The following PTPRD variants were observed in gnomAD, a reference collection of about 807,000 sequenced individuals.
The protein encoded by PTPRD is protein tyrosine phosphatase receptor type D, also known as receptor-type tyrosine-protein phosphatase delta.
A neutral mutation model predicts 214.5 loss-of-function variants in PTPRD; 34 were observed. That is an observed-to-expected ratio of 0.16 (90% CI 0.12 to 0.21). The LOEUF is 0.21. Ranked by LOEUF, PTPRD falls within the 10% of genes least tolerant of loss-of-function variation. The pLI is 1.00. For synonymous variants in PTPRD, 1,128 were observed against 845.7 expected (o/e 1.33, Z -5.79); for missense variants, 2,545 against 2,398.7 (o/e 1.06, Z -1.27).
intron 7 of PTPRD, among the ~76,000 whole-genome samples, chr9:9,630,859 C>G (rs535554459): frequency 6.6e-6 from 1 of 152,110 alleles, no homozygotes; most frequent in South Asian, 2.1e-4. Context: ...GTAGAATGTA[C>G]TTATATGTAA....
At chr9:9,139,142 C>T (rs992644951) in intron 10 of PTPRD, among the ~76,000 whole-genome samples, 1 of 147,912 alleles carries the variant, frequency 6.8e-6, no homozygotes, top group Admixed American at 6.8e-5. Context: ...CATTCTGAGA[C>T]TCCTAGTGAA....
At chr9:8,561,542 A>G (rs10977204) in intron 14 of PTPRD, among the ~76,000 whole-genome samples, 54,474 of 152,040 alleles carry the variant, frequency 0.36, 16,095 homozygotes, top group African/African-American at 0.82. Flanking sequence ...AAGCCGGTGT[A>G]CAAGCGAGAC....
rs941972340 is a variant in PTPRD, at chr9:10,303,779, C to T, written c.-545+37184G>A. ...AATTGAGGCAGTTATTAATAGTCTA[C>T]CAACCAAAAAATGTCCAGGACCAGA... On this transcript the variant is annotated intron_variant, in intron 3 of 45. Coordinates refer to ENST00000381196, the MANE Select transcript of PTPRD (RefSeq NM_002839.4). Among the ~76,000 whole-genome samples, 3 of 152,042 alleles carry T rather than the reference C, an allele frequency of 2.0e-5. No homozygotes were observed. In the East Asian group the frequency reaches 5.8e-4, roughly 29 times the overall value.
rs2099938677 is a variant in PTPRD at position 9,196,437 on chromosome 9, G to C, written c.-202-13074C>G. On this transcript the variant is annotated intron_variant, in intron 9 of 45. Coordinates refer to ENST00000381196, the MANE Select transcript of PTPRD (RefSeq NM_002839.4). Reference sequence around the variant, plus strand: ...ATGATATACCTTTTAATTTAATGGAGACACTCATCTCTTAAGGTACCAATG... The same window carrying C: ...ATGATATACCTTTTAATTTAATGGACACACTCATCTCTTAAGGTACCAATG... Among the ~76,000 whole-genome samples the C allele has an allele frequency of 1.3e-5, 2 of 152,086 alleles. 1 individual carries two copies. Among genetic ancestry groups the C allele is most frequent in the African/African-American group, 4.8e-5 (2 of 41,422 alleles).
intron 9 of PTPRD, among the ~76,000 whole-genome samples, chr9:9,207,843 G>A (rs942224420): frequency 7.3e-5 from 11 of 151,688 alleles, no homozygotes; most frequent in Admixed American, 2.6e-4. Flanking sequence ...ATAAATCACG[G>A]TGCATCCATA....
chr9:10,119,080 A>G (rs1203846957), intron 3 of PTPRD, among the ~76,000 whole-genome samples: 2 of 151,946 alleles, frequency 1.3e-5, no homozygotes, highest in African/African-American at 4.8e-5. Context: ...AGTTCCACTT[A>G]AGAAACACCT....
intron 10 of PTPRD, among the ~76,000 whole-genome samples, chr9:9,169,301 C>G (rs1380991793): frequency 1.3e-5 from 2 of 152,098 alleles, no homozygotes; most frequent in Non-Finnish European, 2.9e-5. Context: ...CTAACCAATT[C>G]TATGCCACAC....
chr9:10,202,343 T>A (rs2099429439), intron 3 of PTPRD, among the ~76,000 whole-genome samples: 1 of 151,990 alleles, frequency 6.6e-6, no homozygotes. Context: ...CTACTGACCT[T>A]CTGCCTGTCA....
chr9:10,266,795 TA>T (rs2094092175), intron 3 of PTPRD, among the ~76,000 whole-genome samples: 1 of 152,114 alleles, frequency 6.6e-6, no homozygotes, highest in Admixed American at 6.5e-5. Flanking sequence ...CCACCTAGGT[TA>T]AAAAATTTAG....
At chr9:9,978,273 C>T (rs986321729) in intron 4 of PTPRD, among the ~76,000 whole-genome samples, 1 of 151,860 alleles carries the variant, frequency 6.6e-6, no homozygotes, top group Non-Finnish European at 1.5e-5. Flanking sequence ...TTTAAAATAA[C>T]TATGTGAAAC....
intron 8 of PTPRD, among the ~76,000 whole-genome samples, chr9:9,462,169 T>C (rs1394693621): frequency 6.6e-6 from 1 of 152,100 alleles, no homozygotes; most frequent in Non-Finnish European, 1.5e-5. Context: ...TGAGTAGACT[T>C]TCAATATCGG....
chr9:8,357,226 A>C (rs2077188140), intron 39 of PTPRD, among the ~76,000 whole-genome samples: 1 of 152,336 alleles, frequency 6.6e-6, no homozygotes, highest in South Asian at 2.1e-4. Flanking sequence ...CTCATTCTCC[A>C]GTCACTGCTG....
intron 4 of PTPRD, among the ~76,000 whole-genome samples, chr9:9,947,363 TTATATATATATTA>T (rs1176677860): frequency 2.3e-5 from 1 of 43,034 alleles, no homozygotes; most frequent in African/African-American, 1.1e-4. Context: ...ATTATATATA[TTATATATATATTA>T]TATATATTTT....
chr9:8,931,297 C>T (rs1177683697), intron 11 of PTPRD, among the ~76,000 whole-genome samples: 1 of 151,784 alleles, frequency 6.6e-6, no homozygotes, highest in African/African-American at 2.4e-5. Flanking sequence ...TTTTTGAGGG[C>T]TCTGTTCTGT....
At chr9:8,721,590 A>C (rs1346039866) in intron 12 of PTPRD, among the ~76,000 whole-genome samples, 1 of 152,224 alleles carries the variant, frequency 6.6e-6, no homozygotes, top group Non-Finnish European at 1.5e-5. Context: ...GTTTATAATA[A>C]TGGCTAATGT....
At chr9:9,276,618 G>T (rs1382765190) in intron 9 of PTPRD, among the ~76,000 whole-genome samples, 1 of 151,274 alleles carries the variant, frequency 6.6e-6, no homozygotes, top group East Asian at 2.0e-4. Context: ...CAATTTACTT[G>T]GATCTCAGCT....
chr9:9,582,634 A>C (rs939399523), intron 7 of PTPRD, among the ~76,000 whole-genome samples: 1 of 152,120 alleles, frequency 6.6e-6, no homozygotes, highest in East Asian at 1.9e-4. Flanking sequence ...ATGAAATTAT[A>C]TCTCAATAAA....
chr9:9,810,224 T>A (rs373812271), intron 5 of PTPRD, among the ~76,000 whole-genome samples: 5 of 152,024 alleles, frequency 3.3e-5, no homozygotes, highest in African/African-American at 1.2e-4. Context: ...ATTGTAAGAA[T>A]ATATACTACA....
chr9:8,905,937 A>G (rs1277728609), intron 11 of PTPRD, among the ~76,000 whole-genome samples: 2 of 152,202 alleles, frequency 1.3e-5, no homozygotes, highest in African/African-American at 4.8e-5. Context: ...AAATATCACC[A>G]TAGACCAGCT....
Sources: allele counts gnomAD v4.1 joint callset (sites outside exome capture counted in the v4.1 genomes callset), GRCh38; gene constraint gnomAD v4.1.1; transcripts MANE v1.5; gene names NCBI Gene and HGNC (gene_info 2026-07-23, HGNC 2026-07-21).